Variants in SPATS2 observed in about 807,000 individuals in gnomAD.
The protein encoded by SPATS2 is spermatogenesis-associated serine-rich protein 2.
Under a neutral mutation model 63.7 loss-of-function variants are expected in SPATS2, and 38 were observed. That is an observed-to-expected ratio of 0.60 (90% CI 0.46 to 0.78). The LOEUF (loss-of-function observed/expected upper bound fraction) is 0.78. Ranked by LOEUF, SPATS2 falls within the 30% of genes least tolerant of loss-of-function variation. The pLI, the probability that SPATS2 is intolerant of heterozygous loss-of-function variation, is 0.00. For synonymous variants in SPATS2, 207 were observed against 232.9 expected, an observed-to-expected ratio of 0.89 and a Z score of 1.01; for missense variants, 588 against 666.2, an observed-to-expected ratio of 0.88 and a Z score of 1.29.
chr12:49,442,335 A>T (rs1303535354), intron 2 of SPATS2: 1 of 152,664 alleles, frequency 6.6e-6, no homozygotes, highest in Non-Finnish European at 1.5e-5. Context: ...CATTTAAAAA[A>T]TAGTTGATAA....
rs574418370 is a variant in SPATS2, at chr12:49,372,417, A to G, written c.-244+1127A>G. ...GGTAGCACTTGATGGTGCTTTCTCT[A>G]TTGACTTTTTCTGTATTGCTAGCAG... On this transcript the variant is annotated intron_variant, in intron 2 of 13. Coordinates refer to ENST00000552918, the MANE Select transcript of SPATS2 (RefSeq NM_023071.4). 5.9e-5 allele frequency among the ~76,000 whole-genome samples: 9 copies of G among 152,198 alleles called. No homozygotes were observed. The East Asian group carries it at 1.4e-3, about 23-fold the overall frequency.
chr12:49,480,569 G>A (rs886277356), intron 3 of SPATS2, among the ~76,000 whole-genome samples: 3 of 152,026 alleles, frequency 2.0e-5, no homozygotes, highest in Non-Finnish European at 2.9e-5. Context: ...GTATCTCAAC[G>A]CCTACAGCAG....
intron 2 of SPATS2, chr12:49,389,878 G>A: frequency 1.2e-6 from 1 of 828,096 alleles, no homozygotes; most frequent in East Asian, 2.4e-5. Flanking sequence ...GATGATCCGG[G>A]AAAAATAATG....
intron 2 of SPATS2, among the ~76,000 whole-genome samples, chr12:49,378,618 C>T (rs1027704935): frequency 1.5e-4 from 22 of 147,666 alleles, no homozygotes; most frequent in African/African-American, 5.3e-4. Context: ...TTTTTTGAGA[C>T]AGGGTCTAGC....
chr12:49,505,116 A>C (rs1032809968), intron 9 of SPATS2, among the ~76,000 whole-genome samples: 1 of 151,956 alleles, frequency 6.6e-6, no homozygotes, highest in Non-Finnish European at 1.5e-5. Flanking sequence ...GAAGGCTTTT[A>C]AGTCCTTACA....
intron 2 of SPATS2, among the ~76,000 whole-genome samples, chr12:49,430,392 A>G (rs1444199622): frequency 1.3e-5 from 2 of 152,024 alleles, no homozygotes; most frequent in Non-Finnish European, 2.9e-5. Context: ...GTGACCCACC[A>G]TGCCTGGCAT....
chr12:49,406,933 C>T (rs1055464495), intron 2 of SPATS2, among the ~76,000 whole-genome samples: 2 of 152,148 alleles, frequency 1.3e-5, no homozygotes, highest in African/African-American at 4.8e-5. Flanking sequence ...ACTTGTGTAT[C>T]CCACTGGCCA....
At chr12:49,519,814 ATTTT>A (rs113683730) in intron 11 of SPATS2, among the ~76,000 whole-genome samples, 1 of 136,324 alleles carries the variant, frequency 7.3e-6, no homozygotes. Flanking sequence ...AGTTACCACT[ATTTT>A]TTTTTTTTTT....
chr12:49,492,786 T>TGGG (rs1946404234), intron 6 of SPATS2, among the ~76,000 whole-genome samples: 1 of 151,834 alleles, frequency 6.6e-6, no homozygotes, highest in Admixed American at 6.6e-5. Context: ...CCAGTTCACA[T>TGGG]GGGGGAAAGT....
At chr12:49,430,353 C>T (rs1175533014) in intron 2 of SPATS2, among the ~76,000 whole-genome samples, 1 of 151,974 alleles carries the variant, frequency 6.6e-6, no homozygotes, top group Admixed American at 6.6e-5. Flanking sequence ...CCGCCGACCT[C>T]GGCCTCCCAA....
rs768413209 is a variant in SPATS2, at chr12:49,514,629, TTTAA to T, written c.898+21_898+24del. ...GCTGAAGCAAGTAAGATGATTGATC[TTTAA>T]TTAAAGCTATTACCTTCATAAATAG... On this transcript the variant is annotated intron_variant, in intron 10 of 13. Transcript: ENST00000552918. 4.5e-5 allele frequency: 72 copies of T among 1,611,404 alleles called. No individual in the cohort carries two copies. The highest frequency in any genetic ancestry group is 1.5e-4 in the African/African-American group (11 of 74,908).
At chr12:49,373,162 G>C (rs1256978869) in intron 2 of SPATS2, among the ~76,000 whole-genome samples, 3 of 152,112 alleles carry the variant, frequency 2.0e-5, no homozygotes, top group Non-Finnish European at 4.4e-5. Context: ...TTAGTAGAGA[G>C]GGGGTTTCTT....
At position 49,486,241 on chromosome 12, in the gene SPATS2, G is replaced by T. The variant is rs367863833; in HGVS notation, c.105+1572G>T. ...TTGTTGTGAGATGGAATTTCACTCT[G>T]TCGTCCAGGCTGGAGTGCAGTGGCG... On this transcript the variant is annotated intron_variant, in intron 4 of 13. Transcript: ENST00000552918. The T allele has an allele frequency of 6.8e-4, 308 of 453,124 alleles. 1 individual carries two copies. The highest frequency in any genetic ancestry group is 5.7e-3 in the African/African-American group (287 of 49,964). The allele number at this position is 453,124 out of a possible 1,614,324, so 28.1% of individuals were successfully genotyped here.
intron 2 of SPATS2, among the ~76,000 whole-genome samples, chr12:49,452,103 G>C (rs7132759): frequency 0.016 from 2,466 of 152,000 alleles, 21 homozygotes; most frequent in Middle Eastern, 0.027. Context: ...TGTGTGTATT[G>C]CAGCTATAAT....
chr12:49,500,944 A>G (rs543896639), intron 9 of SPATS2, among the ~76,000 whole-genome samples: 5 of 151,762 alleles, frequency 3.3e-5, no homozygotes, highest in Admixed American at 2.0e-4. Context: ...TTTATTAATT[A>G]TTATTATTAT....
chr12:49,467,900 A>AT (rs1945953002), intron 3 of SPATS2, among the ~76,000 whole-genome samples: 1 of 150,966 alleles, frequency 6.6e-6, no homozygotes, highest in Non-Finnish European at 1.5e-5. Flanking sequence ...CGCCCGGCTA[A>AT]TTTTTTGTAT....
intron 10 of SPATS2, 101 bp downstream of exon 10, chr12:49,514,714 G>A (rs1156974828): frequency 7.0e-6 from 7 of 994,996 alleles, no homozygotes; most frequent in Admixed American, 5.1e-5. Flanking sequence ...ACCATAATAA[G>A]AGTTTATATA....
intron 4 of SPATS2, among the ~76,000 whole-genome samples, chr12:49,485,219 A>T (rs1169918375): frequency 6.6e-6 from 1 of 151,588 alleles, no homozygotes; most frequent in African/African-American, 2.4e-5. Context: ...GGCGCCCACC[A>T]CCATGCCCGG....
In SPATS2 at chr12:49,523,868, C is replaced by T. The variant is rs1012986468; in HGVS notation, c.1112-814C>T. 3.6e-4 allele frequency among the ~76,000 whole-genome samples: 54 copies of T among 151,892 alleles called. No homozygotes were observed. The Middle Eastern group carries it at 0.01, about 29-fold the overall frequency. On this transcript the variant is annotated intron_variant, in intron 12 of 13. Transcript: ENST00000552918. ...TCGGGAGGCTGAGGCAGGAGAATGG[C>T]GTGAACTCAGGAGGCGGAGTTTGCA...
Sources: gnomAD v4.1 joint callset for allele counts (sites outside exome capture counted in the v4.1 genomes callset) on GRCh38, gnomAD v4.1.1 for gene constraint, MANE v1.5 for transcripts, NCBI Gene and HGNC (gene_info 2026-07-23, HGNC 2026-07-21) for gene names.